Variants in SLC26A7 observed in about 807,000 individuals in gnomAD.
SLC26A7 encodes the protein anion exchange transporter.
In SLC26A7, 59 loss-of-function variants were observed where a neutral mutation model predicts 82.5. That is an observed-to-expected ratio of 0.72 (90% CI 0.58 to 0.89). The LOEUF (loss-of-function observed/expected upper bound fraction) is 0.89, where lower values mean the gene tolerates loss of function less well. Ranked by LOEUF, SLC26A7 falls within the 40% of genes least tolerant of loss-of-function variation. The probability of loss-of-function intolerance (pLI) is 0.00; values close to 1 mark genes in which losing one functional copy is unlikely to be tolerated. For synonymous variants in SLC26A7, 271 were observed against 274.3 expected (o/e 0.99, Z 0.12); for missense variants, 820 against 793.0 (o/e 1.03, Z -0.41).
chr8:91,319,806 C>G (rs1488485556), intron 5 of SLC26A7, among the ~76,000 whole-genome samples: 2 of 152,232 alleles, frequency 1.3e-5, no homozygotes, highest in Non-Finnish European at 2.9e-5. Flanking sequence ...TCCATTACCA[C>G]TTGGCCTCTT....
intron 2 of SLC26A7, among the ~76,000 whole-genome samples, chr8:91,281,104 T>C (rs1221074439): frequency 6.6e-6 from 1 of 152,232 alleles, no homozygotes; most frequent in Non-Finnish European, 1.5e-5. Flanking sequence ...AATGTTCAGA[T>C]TGCTTTAAAA....
chr8:91,351,780 T>C, intron 9 of SLC26A7, 30 bp from the exon 10 acceptor site: 1 of 1,521,350 alleles, frequency 6.6e-7, no homozygotes, highest in Non-Finnish European at 9.1e-7. Flanking sequence ...AGGCTTTCTT[T>C]TTCCTTTTTG....
chr8:91,369,786 G>T lies in SLC26A7; in HGVS notation c.1628G>T (p.Cys543Phe), dbSNP rs780772579. 1.9e-6 allele frequency: 3 copies of T among 1,579,548 alleles called. No individual in the cohort carries two copies. Among genetic ancestry groups the T allele is most frequent in the Non-Finnish European group, 8.6e-7 (1 of 1,164,348 alleles). ...CNQPLDDISK[C>F]EQNTLLNSLS... ...TCTTTATGTTTGTTTTTATTTTAGT[G>T]TGAACAAAACACATTGCTTAATTCC... Residue 543 changes from cysteine to phenylalanine, a missense_variant and splice_region_variant, in exon 15 of 19, where the codon TGT (cysteine) becomes TTT (phenylalanine). Coordinates refer to ENST00000276609, the MANE Select transcript of SLC26A7 (RefSeq NM_052832.4).
chr8:91,317,978 C>CA (rs531640985), intron 4 of SLC26A7, among the ~76,000 whole-genome samples: 9 of 140,812 alleles, frequency 6.4e-5, no homozygotes, highest in South Asian at 2.2e-4. Context: ...TAAAAATAAA[C>CA]AAAAAAAATA....
At chr8:91,267,025 G>A (rs1811131450) in intron 2 of SLC26A7, among the ~76,000 whole-genome samples, 2 of 151,832 alleles carry the variant, frequency 1.3e-5, no homozygotes, top group Admixed American at 1.3e-4. Context: ...TTCTCTTAAT[G>A]TGATGTATTA....
chr8:91,223,061 A>T (rs111571522), intron 2 of SLC26A7, among the ~76,000 whole-genome samples: 2 of 152,130 alleles, frequency 1.3e-5, no homozygotes, highest in Admixed American at 6.5e-5. Flanking sequence ...GTTTAGTCTT[A>T]GTAGGGTGTG....
At chr8:91,289,367 G>A (rs1361071758) in intron 3 of SLC26A7, 121 bp downstream of exon 3, 8 of 748,714 alleles carry the variant, frequency 1.1e-5, no homozygotes, top group Non-Finnish European at 1.8e-5. Context: ...AATATTAGAG[G>A]AAGATATTTA....
At chr8:91,394,474 G>T in intron 18 of SLC26A7, 1 of 1,368,864 alleles carries the variant, frequency 7.3e-7, no homozygotes, top group South Asian at 1.9e-5. Context: ...GTAGAATCTA[G>T]TGCTCACATG....
At chr8:91,269,128 C>T (rs1171017028) in intron 2 of SLC26A7, among the ~76,000 whole-genome samples, 1 of 152,014 alleles carries the variant, frequency 6.6e-6, no homozygotes, top group Non-Finnish European at 1.5e-5. Context: ...TTATACACCA[C>T]AATTACAGTA....
intron 2 of SLC26A7, among the ~76,000 whole-genome samples, chr8:91,226,568 A>G (rs1440782080): frequency 6.6e-6 from 1 of 152,252 alleles, no homozygotes; most frequent in Non-Finnish European, 1.5e-5. Flanking sequence ...CTTATTAGAT[A>G]AATATTAATG....
At chr8:91,281,173 T>C (rs924960453) in intron 2 of SLC26A7, among the ~76,000 whole-genome samples, 4 of 152,220 alleles carry the variant, frequency 2.6e-5, no homozygotes, top group Non-Finnish European at 5.9e-5. Context: ...TACAAAGTGA[T>C]AAAGATTCAA....
chr8:91,318,410 C>A (rs1236441812), intron 5 of SLC26A7, 30 bp downstream of exon 5: 2 of 1,540,666 alleles, frequency 1.3e-6, no homozygotes, highest in Middle Eastern at 1.8e-4. Flanking sequence ...TCATACATAT[C>A]TTTTGAATGT....
At chr8:91,385,642 A>C (rs1170056423) in intron 15 of SLC26A7, among the ~76,000 whole-genome samples, 1 of 152,230 alleles carries the variant, frequency 6.6e-6, no homozygotes, top group Non-Finnish European at 1.5e-5. Flanking sequence ...GGGATAGCAC[A>C]GAGGAAGTTG....
intron 4 of SLC26A7, among the ~76,000 whole-genome samples, chr8:91,316,517 A>G (rs1157143672): frequency 8.8e-6 from 1 of 113,882 alleles, no homozygotes; most frequent in Non-Finnish European, 1.6e-5. Context: ...CATGTTGCCC[A>G]GGCTTCTCTC....
intron 15 of SLC26A7, among the ~76,000 whole-genome samples, chr8:91,381,943 A>C (rs1814681357): frequency 2.0e-5 from 3 of 152,066 alleles, no homozygotes; most frequent in Non-Finnish European, 4.4e-5. Flanking sequence ...AATTAGTATT[A>C]TCTTCATATT....
chr8:91,350,946 GT>G (rs1271465756), intron 9 of SLC26A7, among the ~76,000 whole-genome samples: 2 of 151,998 alleles, frequency 1.3e-5, no homozygotes, highest in African/African-American at 4.8e-5. Context: ...GTTGTGCTGA[GT>G]TTTTGCCAGC....
chr8:91,279,686 A>C (rs1811515430), intron 2 of SLC26A7, among the ~76,000 whole-genome samples: 1 of 151,868 alleles, frequency 6.6e-6, no homozygotes, highest in Admixed American at 6.6e-5. Context: ...CAGCCTCCCT[A>C]GTAGCTGGGA....
chr8:91,309,670 G>A (rs1177055783), intron 4 of SLC26A7, among the ~76,000 whole-genome samples: 5 of 151,904 alleles, frequency 3.3e-5, no homozygotes, highest in Non-Finnish European at 5.9e-5. Context: ...GAGCATGAAC[G>A]AAAAGAAAAT....
rs4554430 is a variant in SLC26A7 at position 91,291,055 on chromosome 8, G to C, written c.304+1809G>C. Among the ~76,000 whole-genome samples, 6 of 151,982 alleles carry C rather than the reference G, an allele frequency of 3.9e-5. No homozygotes were observed. In the South Asian group the frequency reaches 1.2e-3, roughly 32 times the overall value. ...TGTAGGTAATATAGTATATATATGTGTTTATATGTTTATGCATATTTGTGT... is the reference window on the plus strand; with the variant it reads ...TGTAGGTAATATAGTATATATATGTCTTTATATGTTTATGCATATTTGTGT... On this transcript the variant is annotated intron_variant, in intron 3 of 18. Coordinates refer to ENST00000276609, the MANE Select transcript of SLC26A7 (RefSeq NM_052832.4).
Sources: gnomAD v4.1 joint callset for allele counts (sites outside exome capture counted in the v4.1 genomes callset) on GRCh38, gnomAD v4.1.1 for gene constraint, MANE v1.5 for transcripts, NCBI Gene and HGNC (gene_info 2026-07-23, HGNC 2026-07-21) for gene names.